The following KCNT1 variants were observed in gnomAD, a reference collection of about 807,000 sequenced individuals.
The protein encoded by KCNT1 is potassium channel subfamily T member 1.
Under a neutral mutation model 147.8 loss-of-function variants are expected in KCNT1, and 78 were observed. The ratio of observed to expected loss-of-function variants is 0.53; its 90% CI spans 0.44 to 0.64. The LOEUF (loss-of-function observed/expected upper bound fraction) is 0.64. Among genes scored for constraint, KCNT1 ranks in the 30% least tolerant of loss-of-function variants. KCNT1 has a pLI of 0.00. For synonymous variants in KCNT1, 867 were observed against 748.8 expected (o/e 1.16, Z -2.58); for missense variants, 1,419 against 1,750.3 (o/e 0.81, Z 3.38).
intron 19 of KCNT1, 88 bp downstream of exon 19, chr9:135,773,037 C>T (rs1005958310): frequency 4.6e-5 from 43 of 930,930 alleles, no homozygotes; most frequent in Middle Eastern, 6.8e-4. Context: ...CTTGGTGGTC[C>T]CCCATGCTCT....
Position 135,778,831 on chromosome 9 carries a change from A to G in KCNT1, c.2729+9A>G, listed in dbSNP as rs12005420. ...GTGCAGACCATGTTCCGGTGCGTCC[A>G]GTGTCCGGGGCTCGGCTCTAAACCA... On this transcript the variant is annotated intron_variant, in intron 23 of 30. Transcript: ENST00000371757. The G allele has an allele frequency of 1.1e-3, 1,693 of 1,611,814 alleles. 24 individuals carry two copies. The African/African-American group carries it at 0.021, about 20-fold the overall frequency.
chr9:135,768,950 C>T lies in KCNT1; in HGVS notation c.1510+13C>T. 6.3e-7 allele frequency: 1 copy of T among 1,596,594 alleles called. No individual in the cohort carries two copies. The highest frequency in any genetic ancestry group is 8.6e-7 in the Non-Finnish European group (1 of 1,167,946). ...GTCAAGTTTGCTGGTGCGTCTGGGGCACACGTGGGTGATGGTGTATCTGGG... is the reference window on the plus strand; with the variant it reads ...GTCAAGTTTGCTGGTGCGTCTGGGGTACACGTGGGTGATGGTGTATCTGGG... On this transcript the variant is annotated intron_variant, in intron 15 of 30. Coordinates refer to ENST00000371757, the MANE Select transcript of KCNT1 (RefSeq NM_020822.3).
Position 135,789,797 on chromosome 9 carries a change from A to G in KCNT1, c.3503-2000A>G, listed in dbSNP as rs546191907. 214 of 152,288 alleles carry G rather than the reference A, an allele frequency of 1.4e-3. 1 individual carries two copies. Among genetic ancestry groups the G allele is most frequent in the Admixed American group, 2.1e-3 (32 of 15,296 alleles). The allele number at this position is 152,288 out of a possible 1,614,324, so 9.4% of individuals were successfully genotyped here. A position where few individuals can be genotyped will look rare whatever the true frequency, so the allele number is the denominator to read the frequency against. ...ACCAGGGGCGAGGTGGCCCTGCCCC[A>G]GGACATGCACCAGAAGAGCCAAAGC... On this transcript the variant is annotated intron_variant, in intron 29 of 30. Coordinates refer to ENST00000371757, the MANE Select transcript of KCNT1 (RefSeq NM_020822.3).
At chr9:135,739,811 C>T (rs1461296955) in intron 2 of KCNT1, among the ~76,000 whole-genome samples, 1 of 152,220 alleles carries the variant, frequency 6.6e-6, no homozygotes, top group Non-Finnish European at 1.5e-5. Context: ...GTTTGGGCGG[C>T]TGGTTTATCC....
At chr9:135,718,440 C>G (rs1835803141) in intron 2 of KCNT1, among the ~76,000 whole-genome samples, 1 of 152,176 alleles carries the variant, frequency 6.6e-6, no homozygotes, top group Non-Finnish European at 1.5e-5. Context: ...GGGATGGGGT[C>G]CTGGGCTGTG....
intron 2 of KCNT1, among the ~76,000 whole-genome samples, chr9:135,749,831 G>A (rs1831047562): frequency 6.6e-6 from 1 of 152,246 alleles, no homozygotes; most frequent in African/African-American, 2.4e-5. Context: ...AGGGCGGCCT[G>A]GAGGGCCCAG....
At chr9:135,776,212 G>A (rs1430134399) in intron 20 of KCNT1, among the ~76,000 whole-genome samples, 1 of 152,042 alleles carries the variant, frequency 6.6e-6, no homozygotes, top group East Asian at 1.9e-4. Context: ...CAAACCACTC[G>A]ACCCAGCGGC....
intron 2 of KCNT1, among the ~76,000 whole-genome samples, chr9:135,735,757 G>A (rs191846870): frequency 4.6e-5 from 7 of 152,284 alleles, no homozygotes; most frequent in African/African-American, 7.2e-5. Context: ...GGGTCAGAGC[G>A]TGGACAAGTC....
intron 2 of KCNT1, among the ~76,000 whole-genome samples, chr9:135,731,381 G>T (rs1025104378): frequency 7.2e-5 from 11 of 152,118 alleles, no homozygotes; most frequent in African/African-American, 2.7e-4. Flanking sequence ...ACTCCACCAA[G>T]GTTTAAATGC....
intron 11 of KCNT1, among the ~76,000 whole-genome samples, chr9:135,764,748 T>C (rs933703974): frequency 2.0e-5 from 3 of 152,184 alleles, no homozygotes; most frequent in Non-Finnish European, 4.4e-5. Flanking sequence ...TCCCACGGGC[T>C]GAGCCTCCCC....
chr9:135,780,128 T>C (rs952140461), intron 24 of KCNT1, among the ~76,000 whole-genome samples: 2 of 152,238 alleles, frequency 1.3e-5, no homozygotes, highest in African/African-American at 4.8e-5. Context: ...CCTTGATATC[T>C]GGCTGACCCC....
chr9:135,785,119 C>T (rs374706033), intron 27 of KCNT1, among the ~76,000 whole-genome samples, 191 bp from the exon 28 acceptor site: 9 of 152,190 alleles, frequency 5.9e-5, no homozygotes, highest in African/African-American at 2.2e-4. Flanking sequence ...GCAGCCATGA[C>T]CCCTACCGGG....
rs774281111 is a variant in KCNT1 at position 135,772,901 on chromosome 9, C to T, written c.2195C>T (p.Ser732Leu). ...CCCTGCGACCTGCTGAGCGACCAGT[C>T]GGAGGATGAGGTGACGCCGTCGGAC... ...LLPCDLLSDQ[S>L]EDEVTPSDDE... Residue 732 changes from serine to leucine, a missense_variant, in exon 19 of 31, where the codon TCG becomes TTG. This residue lies in a region of KCNT1 where 284 missense variants were observed against 292.8 expected (regional missense o/e 0.97). Transcript: ENST00000371757. 1.4e-5 allele frequency: 21 copies of T among 1,553,900 alleles called. No homozygotes were observed. The highest frequency in any genetic ancestry group is 9.5e-5 in the South Asian group (8 of 84,120).
At chr9:135,753,563 GCT>G (rs1831309776) in intron 4 of KCNT1, among the ~76,000 whole-genome samples, 1 of 152,158 alleles carries the variant, frequency 6.6e-6, no homozygotes, top group African/African-American at 2.4e-5. Context: ...GTTCCCACAT[GCT>G]CTCTCTGGCC....
intron 6 of KCNT1, among the ~76,000 whole-genome samples, chr9:135,756,326 C>T (rs907336910): frequency 2.1e-4 from 32 of 152,282 alleles, no homozygotes; most frequent in African/African-American, 7.7e-4. Flanking sequence ...ACTGACCCAT[C>T]TGTGTCCTTG....
At chr9:135,770,640 G>A (rs1041356848) in intron 17 of KCNT1, among the ~76,000 whole-genome samples, 193 bp downstream of exon 17, 3 of 152,194 alleles carry the variant, frequency 2.0e-5, no homozygotes, top group South Asian at 2.1e-4. Flanking sequence ...AACCTGCCAC[G>A]CGGCTCCTCC....
chr9:135,719,470 G>A (rs1468767008), intron 2 of KCNT1, among the ~76,000 whole-genome samples: 1 of 152,130 alleles, frequency 6.6e-6, no homozygotes, highest in East Asian at 1.9e-4. Context: ...ACTTGGGGCT[G>A]TCACACCACA....
chr9:135,702,853 C>T (rs1370455652), intron 1 of KCNT1: 2 of 157,016 alleles, frequency 1.3e-5, no homozygotes, highest in African/African-American at 4.8e-5. Context: ...AGGAAGAGTC[C>T]CCAGTGGGAA....
At chr9:135,764,509 G>T (rs1188769895) in intron 11 of KCNT1, among the ~76,000 whole-genome samples, 3 of 152,180 alleles carry the variant, frequency 2.0e-5, no homozygotes, top group Admixed American at 1.3e-4. Context: ...TGGGGCCGGT[G>T]CTGGGAGGCC....
Sources: allele counts gnomAD v4.1 joint callset (sites outside exome capture counted in the v4.1 genomes callset), GRCh38; gene constraint gnomAD v4.1.1; regional missense constraint gnomAD v4.1.1; transcripts MANE v1.5; gene names NCBI Gene and HGNC (gene_info 2026-07-23, HGNC 2026-07-21).